Variants in HERC1 observed in about 807,000 individuals in gnomAD.
HERC1 encodes probable E3 ubiquitin-protein ligase HERC1.
In HERC1, 160 loss-of-function variants were observed where a neutral mutation model predicts 554.3. The ratio of observed to expected loss-of-function variants is 0.29; its 90% CI spans 0.25 to 0.33. The LOEUF (loss-of-function observed/expected upper bound fraction) is 0.33, where lower values mean the gene tolerates loss of function less well. Among genes scored for constraint, HERC1 ranks in the 10% least tolerant of loss-of-function variants. The pLI is 1.00. For synonymous variants in HERC1, 2,175 were observed against 2,131.7 expected, an observed-to-expected ratio of 1.02 and a Z score of -0.56; for missense variants, 4,919 against 5,918.5, an observed-to-expected ratio of 0.83 and a Z score of 5.54.
intron 25 of HERC1, among the ~76,000 whole-genome samples, chr15:63,705,873 A>T (rs2072974786): frequency 6.6e-6 from 1 of 151,936 alleles, no homozygotes; most frequent in Non-Finnish European, 1.5e-5. Context: ...TACAAAAATA[A>T]TAAAAAACTA....
intron 69 of HERC1, among the ~76,000 whole-genome samples, chr15:63,629,242 G>A (rs897166252): frequency 6.6e-6 from 1 of 152,050 alleles, no homozygotes; most frequent in Non-Finnish European, 1.5e-5. Flanking sequence ...GAGCCACCAC[G>A]CCCAGCCCCC....
At chr15:63,618,231 C>A (rs1299574900) in intron 74 of HERC1, among the ~76,000 whole-genome samples, 1 of 151,430 alleles carries the variant, frequency 6.6e-6, no homozygotes, top group African/African-American at 2.4e-5. Flanking sequence ...TATGGCTAGC[C>A]AGGTTTCCCA....
In HERC1 at chr15:63,678,308, G is replaced by A; in HGVS notation, c.6607C>T (p.Pro2203Ser). The change falls in exon 37 of 78, where the codon CCT becomes TCT. Residue 2203 changes from proline to serine, a missense_variant. Transcript: ENST00000443617. ...GTPRDLLPGDPICSPVAAVLA... is the reference protein window; with the variant it reads ...GTPRDLLPGDSICSPVAAVLA... ...ACTGCTGCTACTGGACTACAAATAG[G>A]GTCTCCTGGAAGTAAGTCTCGGGGT... 1.2e-6 allele frequency: 2 copies of A among 1,612,970 alleles called. No individual in the cohort carries two copies. The highest frequency in any genetic ancestry group is 1.7e-6 in the Non-Finnish European group (2 of 1,179,542).
intron 24 of HERC1, among the ~76,000 whole-genome samples, chr15:63,709,692 A>G (rs1289705617): frequency 6.6e-6 from 1 of 152,210 alleles, no homozygotes; most frequent in South Asian, 2.1e-4. Flanking sequence ...TTTTCATTTC[A>G]GTTGAAAGGA....
chr15:63,753,170 T>G, intron 7 of HERC1, 85 bp from the exon 8 acceptor site: 1 of 983,860 alleles, frequency 1.0e-6, no homozygotes, highest in East Asian at 2.8e-5. Flanking sequence ...TAAGGAGCTC[T>G]AATGTTTCCA....
intron 1 of HERC1, among the ~76,000 whole-genome samples, chr15:63,786,803 T>C (rs2076461882): frequency 6.6e-6 from 1 of 152,150 alleles, no homozygotes; most frequent in Non-Finnish European, 1.5e-5. Flanking sequence ...ATTATGAAAA[T>C]GTTTTGGAAC....
intron 1 of HERC1, among the ~76,000 whole-genome samples, chr15:63,805,338 A>G (rs1187373250): frequency 6.6e-6 from 1 of 152,226 alleles, no homozygotes; most frequent in Non-Finnish European, 1.5e-5. Context: ...TGGAGATTCA[A>G]CATGGATGAA....
chr15:63,738,856 CT>C (rs1333930772), intron 12 of HERC1, among the ~76,000 whole-genome samples: 1 of 152,114 alleles, frequency 6.6e-6, no homozygotes, highest in African/African-American at 2.4e-5. Flanking sequence ...TACTTTTACC[CT>C]TTTCAAAATC....
intron 22 of HERC1, 27 bp downstream of exon 22, chr15:63,716,275 T>C: frequency 6.3e-7 from 1 of 1,576,300 alleles, no homozygotes; most frequent in Non-Finnish European, 8.6e-7. Flanking sequence ...ACAGTTTGTA[T>C]CTAGAAAGTA....
At chr15:63,810,409 C>A (rs965365196) in intron 1 of HERC1, among the ~76,000 whole-genome samples, 1 of 151,108 alleles carries the variant, frequency 6.6e-6, no homozygotes, top group African/African-American at 2.5e-5. Flanking sequence ...TGAAATAAGC[C>A]ATTTGTGTAA....
At position 63,608,779 on chromosome 15, in the gene HERC1, A is replaced by G. The variant is rs1395089021; in HGVS notation, c.*302T>C. On this transcript the variant is annotated 3_prime_UTR_variant, in exon 78 of 78. Coordinates refer to ENST00000443617, the MANE Select transcript of HERC1 (RefSeq NM_003922.4). The stretch of plus-strand genomic sequence containing the variant: ...ATGTTCACTGGGTGGATTTACAAAA[A>G]TGTACCATTCCCAACTAAAAATGCA... 1 of 236,556 alleles carries G rather than the reference A, an allele frequency of 4.2e-6. No individual in the cohort carries two copies. Among genetic ancestry groups the G allele is most frequent in the Non-Finnish European group, 8.2e-6 (1 of 121,340 alleles). 14.7% of individuals were successfully genotyped at this position (236,556 alleles called of 1,614,324 possible).
chr15:63,755,877 G>T (rs2075405740), intron 5 of HERC1, among the ~76,000 whole-genome samples: 2 of 152,120 alleles, frequency 1.3e-5, no homozygotes, highest in African/African-American at 4.8e-5. Flanking sequence ...TTATTTGTGT[G>T]GGTCCTTGGC....
At chr15:63,639,241 G>A (rs892315168) in intron 61 of HERC1, among the ~76,000 whole-genome samples, 5 of 152,212 alleles carry the variant, frequency 3.3e-5, no homozygotes, top group African/African-American at 7.2e-5. Flanking sequence ...CAAACTGCAT[G>A]TGTGAAGATG....
intron 12 of HERC1, among the ~76,000 whole-genome samples, chr15:63,745,174 G>A (rs1007763135): frequency 3.3e-5 from 5 of 152,144 alleles, no homozygotes; most frequent in African/African-American, 1.2e-4. Flanking sequence ...TGGAAGAAAG[G>A]GGTCTCTCTT....
At chr15:63,829,515 TATA>T (rs1164476975) in intron 1 of HERC1, among the ~76,000 whole-genome samples, 1 of 102,330 alleles carries the variant, frequency 9.8e-6, no homozygotes, top group African/African-American at 4.0e-5. Context: ...CACACACATA[TATA>T]AATAATATGT....
chr15:63,657,718 A>G (rs2070124479), intron 48 of HERC1, among the ~76,000 whole-genome samples: 1 of 152,138 alleles, frequency 6.6e-6, no homozygotes, highest in Non-Finnish European at 1.5e-5. Flanking sequence ...CCAAGAAGCA[A>G]TTCTTCTATG....
At position 63,780,941 on chromosome 15, in the gene HERC1, A is replaced by G. The variant is rs531809953; in HGVS notation, c.-26-5292T>C. Among the ~76,000 whole-genome samples, 30 of 152,346 alleles carry G rather than the reference A, an allele frequency of 2.0e-4. No homozygotes were observed. In the South Asian group the frequency reaches 4.6e-3, roughly 23 times the overall value. On this transcript the variant is annotated intron_variant, in intron 1 of 77. Coordinates refer to ENST00000443617, the MANE Select transcript of HERC1 (RefSeq NM_003922.4). ...TTAAATGTATATAACTATAAATCTA[A>G]TAAGTAAATCATTTTTTAAATGTAT... is the stretch of plus-strand genomic sequence containing the variant.
At chr15:63,621,448 T>C (rs1414101988) in intron 74 of HERC1, among the ~76,000 whole-genome samples, 1 of 152,212 alleles carries the variant, frequency 6.6e-6, no homozygotes, top group Non-Finnish European at 1.5e-5. Flanking sequence ...ATTTCAACTT[T>C]GGTGAATCTG....
At chr15:63,806,471 T>A (rs2077143116) in intron 1 of HERC1, among the ~76,000 whole-genome samples, 1 of 152,200 alleles carries the variant, frequency 6.6e-6, no homozygotes, top group South Asian at 2.1e-4. Context: ...TTTATCATAC[T>A]CTGCCTGGTT....
Sources: gnomAD v4.1 joint callset for allele counts (sites outside exome capture counted in the v4.1 genomes callset) on GRCh38, gnomAD v4.1.1 for gene constraint, MANE v1.5 for transcripts, NCBI Gene and HGNC (gene_info 2026-07-23, HGNC 2026-07-21) for gene names.